Variants in GPHN observed in about 807,000 individuals in gnomAD.
GPHN encodes the protein gephyrin.
A neutral mutation model predicts 95.5 loss-of-function variants in GPHN; 17 were observed. That is an observed-to-expected ratio of 0.18 (90% CI 0.12 to 0.27). The LOEUF is 0.27. Among genes scored for constraint, GPHN ranks in the 10% least tolerant of loss-of-function variants. The pLI is 1.00. For synonymous variants in GPHN, 320 were observed against 322.5 expected, an observed-to-expected ratio of 0.99 and a Z score of 0.08; for missense variants, 660 against 978.1, an observed-to-expected ratio of 0.67 and a Z score of 4.34.
rs560072266 is a variant in GPHN at position 67,001,386 on chromosome 14, TA to T, written c.964-22246del. On this transcript the variant is annotated intron_variant, in intron 9 of 22. Transcript: ENST00000478722. ...AATATGATATGTTATAATGTCATAT[TA>T]TAATGTGATAGCAGTAAAATGACAG... 3.8e-3 allele frequency among the ~76,000 whole-genome samples: 582 copies of T among 151,700 alleles called. 5 individuals carry two copies. The highest frequency in any genetic ancestry group is 0.013 in the African/African-American group (560 of 41,516).
the GPHN span, among the ~76,000 whole-genome samples, chr14:67,542,345 T>C: frequency 6.6e-6 from 1 of 152,176 alleles, no homozygotes; most frequent in African/African-American, 2.4e-5. Context: ...AACAGAAATC[T>C]CTACCCTTCC....
At chr14:67,642,151 G>C in the GPHN span, 15 of 1,605,970 alleles carry the variant, frequency 9.3e-6, no homozygotes, top group Admixed American at 1.7e-4. Flanking sequence ...AGATAGCACA[G>C]AAAATTCATC....
chr14:67,324,571 G>T, the GPHN span, among the ~76,000 whole-genome samples: 179 of 145,488 alleles, frequency 1.2e-3, 1 homozygote, highest in African/African-American at 3.8e-3. Context: ...TGTTTTTTTT[G>T]TTGTTGTTGT....
chr14:67,576,698 G>C, the GPHN span, among the ~76,000 whole-genome samples: 1 of 152,202 alleles, frequency 6.6e-6, no homozygotes, highest in South Asian at 2.1e-4. This position sits in a 1 kb window ranked among gnomAD's most constrained non-coding sequence, Gnocchi z 4.0. Context: ...CTCTGCATCT[G>C]GGGGAGTTTA....
At chr14:66,531,896 T>C (rs1036391057) in intron 1 of GPHN, among the ~76,000 whole-genome samples, 1 of 152,212 alleles carries the variant, frequency 6.6e-6, no homozygotes, top group Admixed American at 6.5e-5. Context: ...TTTTAGGCTT[T>C]GTGAGCTGTA....
the GPHN span, chr14:67,674,546 T>A: frequency 6.8e-7 from 1 of 1,465,018 alleles, no homozygotes; most frequent in South Asian, 1.3e-5. Flanking sequence ...GGCCCTTTCC[T>A]AGCCCGGCGG....
the GPHN span, chr14:67,337,837 T>C: frequency 6.6e-6 from 1 of 152,226 alleles, no homozygotes; most frequent in Admixed American, 6.5e-5. Context: ...GTTATTTTCT[T>C]AATTAGCAAA....
chr14:67,606,071 A>G, the GPHN span, among the ~76,000 whole-genome samples: 2 of 152,214 alleles, frequency 1.3e-5, no homozygotes, highest in Non-Finnish European at 2.9e-5. Context: ...AAGAAAAAAT[A>G]CTTATTTTTC....
At chr14:67,275,230 C>T in the GPHN span, among the ~76,000 whole-genome samples, 2 of 152,122 alleles carry the variant, frequency 1.3e-5, no homozygotes, top group Non-Finnish European at 2.9e-5. Context: ...AGTTTTTGCC[C>T]ATTCAGTATG....
chr14:66,924,272 CA>C lies in GPHN; in HGVS notation c.809del (p.His270LeufsTer87), dbSNP rs2153562215. On this transcript the variant is annotated frameshift_variant, in exon 8 of 23. Transcript: ENST00000478722. LOFTEE classifies it high-confidence loss of function. ...CATCCCTGGTCTCATCAATTATTCC[CA>C]TCATTCAACAGATGAACGGGTAAGA... ...QPIPGLINYS[H>X]HSTDERIPDS... is the part of the protein sequence containing the mutation. 1 of 1,600,960 alleles carries C rather than the reference CA, an allele frequency of 6.2e-7. No homozygotes were observed. The highest frequency in any genetic ancestry group is 2.2e-5 in the East Asian group (1 of 44,812).
At position 67,180,775 on chromosome 14, in the gene GPHN, G is replaced by A. The variant is rs768605725; in HGVS notation, c.2177-29G>A. On this transcript the variant is annotated intron_variant, in intron 22 of 22. Coordinates refer to ENST00000478722, the MANE Select transcript of GPHN (RefSeq NM_020806.5). Reference sequence around the variant, plus strand: ...CAACTGTATACGCCATGATGCTTATGCTGCTGTAATAAGAGTATTTCTTTC... The same window carrying A: ...CAACTGTATACGCCATGATGCTTATACTGCTGTAATAAGAGTATTTCTTTC... 8 of 1,610,084 alleles carry A rather than the reference G, an allele frequency of 5.0e-6. No homozygotes were observed. In the South Asian group the frequency reaches 8.8e-5, roughly 18 times the overall value.
rs985414249 is a variant in GPHN at position 66,559,767 on chromosome 14, G to T, written c.64+51176G>T. 9.9e-5 allele frequency among the ~76,000 whole-genome samples: 15 copies of T among 151,728 alleles called. No homozygotes were observed. In the South Asian group the frequency reaches 2.3e-3, roughly 23 times the overall value. ...AATTAGATCCCATTTGTCAATTTTG[G>T]CTTTTGTTGCCATTGCTTTTGGTGT... On this transcript the variant is annotated intron_variant, in intron 1 of 22. Transcript: ENST00000478722.
chr14:67,350,466 G>A, the GPHN span: 2 of 593,028 alleles, frequency 3.4e-6, no homozygotes, highest in East Asian at 3.2e-5. Context: ...GAGTTAAGGT[G>A]ATGGGGTTAA....
At chr14:66,602,516 T>C (rs142141711) in intron 1 of GPHN, among the ~76,000 whole-genome samples, 1 of 152,148 alleles carries the variant, frequency 6.6e-6, no homozygotes, top group African/African-American at 2.4e-5. Flanking sequence ...CTTTGACACA[T>C]ATAACTTGAA....
At chr14:67,166,280 G>A (rs1016850143) in intron 20 of GPHN, among the ~76,000 whole-genome samples, 2 of 152,142 alleles carry the variant, frequency 1.3e-5, no homozygotes, top group Non-Finnish European at 2.9e-5. Context: ...AACGCCTTAG[G>A]ACCTTTCATA....
intron 1 of GPHN, among the ~76,000 whole-genome samples, chr14:66,641,884 G>A (rs1013624314): frequency 6.6e-6 from 1 of 152,120 alleles, no homozygotes; most frequent in Non-Finnish European, 1.5e-5. Context: ...GTAAAAAAAT[G>A]ACTATCTCTT....
chr14:66,732,691 AT>A (rs149550546), intron 2 of GPHN, among the ~76,000 whole-genome samples: 47,203 of 151,840 alleles, frequency 0.31, 11,146 homozygotes, highest in African/African-American at 0.63. Context: ...TAATTTTTGT[AT>A]TTTTAGTAGA....
At chr14:67,414,456 A>G in the GPHN span, among the ~76,000 whole-genome samples, 1 of 152,248 alleles carries the variant, frequency 6.6e-6, no homozygotes, top group African/African-American at 2.4e-5. Context: ...AGCAGACAGC[A>G]GTAAACAGCT....
the GPHN span, among the ~76,000 whole-genome samples, chr14:67,379,235 T>C: frequency 6.6e-6 from 1 of 152,210 alleles, no homozygotes; most frequent in Non-Finnish European, 1.5e-5. Flanking sequence ...GGAGTGGAAT[T>C]GTTGGGTCAT....
Sources: allele counts gnomAD v4.1 joint callset (sites outside exome capture counted in the v4.1 genomes callset), GRCh38; gene constraint gnomAD v4.1.1; non-coding constraint Gnocchi (gnomAD v3.1); transcripts MANE v1.5; gene names NCBI Gene and HGNC (gene_info 2026-07-23, HGNC 2026-07-21).